The following BRIP1 variants were observed in gnomAD, a reference collection of about 807,000 sequenced individuals.
BRIP1 encodes the protein Fanconi anemia group J protein.
BRIP1 carries 88 observed loss-of-function variants against 119.7 expected under a neutral mutation model. The ratio of observed to expected loss-of-function variants is 0.74; its 90% CI spans 0.62 to 0.88. BRIP1 has a LOEUF of 0.88. BRIP1 is among the 40% of genes least tolerant of loss of function. The probability of loss-of-function intolerance (pLI) is 0.00; values close to 1 mark genes in which losing one functional copy is unlikely to be tolerated. For synonymous variants in BRIP1, 443 were observed against 496.5 expected, an observed-to-expected ratio of 0.89 and a Z score of 1.43; for missense variants, 1,259 against 1,455.4, an observed-to-expected ratio of 0.87 and a Z score of 2.20.
rs1555572645 is a variant in BRIP1, at chr17:61,683,648, G to A, written c.3398C>T (p.Thr1133Ile). The A allele has an allele frequency of 6.2e-7, 1 of 1,612,894 alleles. No individual in the cohort carries two copies. Among genetic ancestry groups the A allele is most frequent in the Non-Finnish European group, 8.5e-7 (1 of 1,179,964 alleles). ...TEAEDESIYF[T>I]PELYDPEDTD... Reference sequence around the variant, plus strand: ...ATCTTCAGGATCATAAAGTTCAGGTGTAAAATAGATAGATTCATCTTCTGC... The same window carrying A: ...ATCTTCAGGATCATAAAGTTCAGGTATAAAATAGATAGATTCATCTTCTGC... Residue 1133 changes from threonine to isoleucine, a missense_variant, in exon 20 of 20, where the codon ACA becomes ATA. Around this residue, in one of 3 missense-constraint regions of BRIP1, gnomAD observed 753 missense variants for 891.8 expected, o/e 0.84. Transcript: ENST00000259008. The surrounding 1 kb of genome is among the most constrained non-coding windows in gnomAD (Gnocchi z 4.7).
rs1489866400 is a variant in BRIP1 at position 61,740,162 on chromosome 17, G to T, written c.2379+2851C>A. ...CATTAAAGTACAAGCAGAGCGCAGT[G>T]GTCCTGTTGAGCTGAGGTGGAAGAG... is the stretch of plus-strand genomic sequence containing the variant. On this transcript the variant is annotated intron_variant, in intron 16 of 19. Coordinates refer to ENST00000259008, the MANE Select transcript of BRIP1 (RefSeq NM_032043.3). This position sits in a 1 kb window ranked among gnomAD's most constrained non-coding sequence, Gnocchi z 5.4. Among the ~76,000 whole-genome samples the T allele has an allele frequency of 6.6e-6, 1 of 151,996 alleles. No individual in the cohort carries two copies. The highest frequency in any genetic ancestry group is 1.5e-5 in the Non-Finnish European group (1 of 68,010).
rs2145330850 is a variant in BRIP1 at position 61,801,244 on chromosome 17, T to C, written c.1140+9A>G. On this transcript the variant is annotated intron_variant, in intron 8 of 19. Coordinates refer to ENST00000259008, the MANE Select transcript of BRIP1 (RefSeq NM_032043.3). ...GGAAGAAGGTTCTCATTTTTACACA[T>C]ATACTCACACTTTCCCTTATTTGTG... 6.2e-7 allele frequency: 1 copy of C among 1,602,650 alleles called. No individual in the cohort carries two copies. The highest frequency in any genetic ancestry group is 8.5e-7 in the Non-Finnish European group (1 of 1,169,606).
intron 16 of BRIP1, among the ~76,000 whole-genome samples, chr17:61,727,345 G>T (rs2076779033): frequency 6.6e-6 from 1 of 152,204 alleles, no homozygotes; most frequent in South Asian, 2.1e-4. Context: ...GAGCGAGCAT[G>T]TACATAAGAA....
Position 61,793,713 on chromosome 17 carries a change from C to T in BRIP1, c.1357G>A (p.Ala453Thr), listed in dbSNP as rs587780227. The change falls in exon 10 of 20, where the codon GCT becomes ACT. Residue 453 changes from alanine (A) to threonine (T), a missense_variant. Transcript: ENST00000259008. This position sits in a 1 kb window ranked among gnomAD's most constrained non-coding sequence, Gnocchi z 5.2. ...CSLINWLEAN[A>T]EYLVERDYES... The stretch of plus-strand genomic sequence containing the variant: ...TAATCTCTTTCTACAAGATATTCAG[C>T]GTTTGCTTCTAACCAACTGAAATAA... The T allele has an allele frequency of 2.7e-5, 43 of 1,610,116 alleles. No individual in the cohort carries two copies. Among genetic ancestry groups the T allele is most frequent in the South Asian group, 3.3e-5 (3 of 90,848 alleles).
chr17:61,781,117 T>G, intron 11 of BRIP1, 112 bp from the exon 12 acceptor site: 1 of 934,058 alleles, frequency 1.1e-6, no homozygotes, highest in Non-Finnish European at 1.6e-6. Context: ...AGCTGGTACC[T>G]TCCCATTCAA....
rs71153410 is a variant in BRIP1, at chr17:61,838,546, AAAATAAATAAATAAAT to A, written c.627+8539_627+8554del. 9.1e-3 allele frequency among the ~76,000 whole-genome samples: 1,287 copies of A among 140,942 alleles called. 4 individuals carry two copies. Among genetic ancestry groups the A allele is most frequent in the Non-Finnish European group, 0.014 (880 of 65,124 alleles). 92.5% of individuals were successfully genotyped at this position (140,942 alleles called of 152,430 possible). A position where few individuals can be genotyped will look rare whatever the true frequency, so the allele number is the denominator to read the frequency against. ...GCGACAGAGCGAGACTCCCTCTCAA[AAAATAAATAAATAAAT>A]AAATAAATAAATAAATAAATAAATA... On this transcript the variant is annotated intron_variant, in intron 6 of 19. Transcript: ENST00000259008.
In BRIP1 at chr17:61,679,948, A is replaced by G. The variant is rs1274448613; in HGVS notation, c.*3348T>C. Among the ~76,000 whole-genome samples the G allele has an allele frequency of 6.6e-6, 1 of 152,170 alleles. No individual in the cohort carries two copies. The highest frequency in any genetic ancestry group is 2.4e-5 in the African/African-American group (1 of 41,448). The stretch of plus-strand genomic sequence containing the variant: ...TGATTATCATTGTATAAAATTTTTG[A>G]AACACCTTTTGGAATTACTAAAGGG... On this transcript the variant is annotated 3_prime_UTR_variant, in exon 20 of 20. Coordinates refer to ENST00000259008, the MANE Select transcript of BRIP1 (RefSeq NM_032043.3). The surrounding 1 kb of genome is among the most constrained non-coding windows in gnomAD (Gnocchi z 4.4).
rs546971792 is a variant in BRIP1, at chr17:61,761,256, T to C, written c.2097+15145A>G. ...TTAGGTATAGAAGAAATGTACTGCA[T>C]ATTTGGCCAATAAAGGCCAAATATG... On this transcript the variant is annotated intron_variant, in intron 14 of 19. Coordinates refer to ENST00000259008, the MANE Select transcript of BRIP1 (RefSeq NM_032043.3). This position sits in a 1 kb window ranked among gnomAD's most constrained non-coding sequence, Gnocchi z 6.4. Among the ~76,000 whole-genome samples the C allele has an allele frequency of 1.6e-4, 24 of 151,826 alleles. No homozygotes were observed. The highest frequency in any genetic ancestry group is 3.1e-4 in the Non-Finnish European group (21 of 67,808).
intron 14 of BRIP1, among the ~76,000 whole-genome samples, chr17:61,772,158 T>A (rs1233839609): frequency 2.5e-3 from 1 of 398 alleles, no homozygotes; most frequent in East Asian, 0.02. Flanking sequence ...AATGTGAGAT[T>A]ATATATATAT....
chr17:61,702,568 T>C (rs2061630976), intron 17 of BRIP1, among the ~76,000 whole-genome samples: 1 of 152,224 alleles, frequency 6.6e-6, no homozygotes, highest in Non-Finnish European at 1.5e-5. Context: ...TTTGGTTTTC[T>C]GTTCCTCCGT....
Position 61,828,150 on chromosome 17 carries a change from A to G in BRIP1, c.627+18951T>C, listed in dbSNP as rs990955789. Among the ~76,000 whole-genome samples, 8 of 152,234 alleles carry G rather than the reference A, an allele frequency of 5.3e-5. No homozygotes were observed. The highest frequency in any genetic ancestry group is 8.8e-5 in the Non-Finnish European group (6 of 68,034). On this transcript the variant is annotated intron_variant, in intron 6 of 19. Coordinates refer to ENST00000259008, the MANE Select transcript of BRIP1 (RefSeq NM_032043.3). The surrounding 1 kb of genome is among the most constrained non-coding windows in gnomAD (Gnocchi z 4.1). ...TCAAAATAGCAAAAAGATGGAAACA[A>G]CCCAGATGTCCACTGGCAGATGAAC...
Position 61,784,983 on chromosome 17 carries a change from T to C in BRIP1, c.1474-559A>G, listed in dbSNP as rs535258804. Among the ~76,000 whole-genome samples the C allele has an allele frequency of 2.0e-4, 31 of 152,298 alleles. No homozygotes were observed. In the South Asian group the frequency reaches 6.2e-3, roughly 31 times the overall value. ...ATTATTAACAGCACAATGCTAACAA[T>C]ATATTTTAGATTGCCATATTAGCAA... On this transcript the variant is annotated intron_variant, in intron 10 of 19. Coordinates refer to ENST00000259008, the MANE Select transcript of BRIP1 (RefSeq NM_032043.3).
Position 61,709,882 on chromosome 17 carries a change from A to T in BRIP1, c.2492+6069T>A, listed in dbSNP as rs1368851112. ...TACTCTAACAGTCCCATGTGTGCTTAAAAAAATTAACATTAAAAGGAATCC... is the reference window on the plus strand; with the variant it reads ...TACTCTAACAGTCCCATGTGTGCTTTAAAAAATTAACATTAAAAGGAATCC... On this transcript the variant is annotated intron_variant, in intron 17 of 19. Coordinates refer to ENST00000259008, the MANE Select transcript of BRIP1 (RefSeq NM_032043.3). The surrounding 1 kb of genome is among the most constrained non-coding windows in gnomAD (Gnocchi z 5.0). Among the ~76,000 whole-genome samples the T allele has an allele frequency of 7.2e-5, 11 of 152,140 alleles. No homozygotes were observed. The highest frequency in any genetic ancestry group is 1.6e-4 in the Non-Finnish European group (11 of 68,008).
At chr17:61,763,566 T>C (rs1423542093) in intron 14 of BRIP1, among the ~76,000 whole-genome samples, 2 of 152,088 alleles carry the variant, frequency 1.3e-5, no homozygotes, top group Admixed American at 6.6e-5. Flanking sequence ...TCCTCAGAAA[T>C]AGTACTTTGT....
At position 61,735,322 on chromosome 17, in the gene BRIP1, T is replaced by C. The variant is rs1424165768; in HGVS notation, c.2379+7691A>G. Among the ~76,000 whole-genome samples, 2 of 152,186 alleles carry C rather than the reference T, an allele frequency of 1.3e-5. No individual in the cohort carries two copies. The highest frequency in any genetic ancestry group is 6.5e-5 in the Admixed American group (1 of 15,286). On this transcript the variant is annotated intron_variant, in intron 16 of 19. Transcript: ENST00000259008. This position sits in a 1 kb window ranked among gnomAD's most constrained non-coding sequence, Gnocchi z 4.4. ...AAATGATGGGAAGTTATTCCCATGA[T>C]TTTTTAATTTTATTTTTTTCCTCAC...
rs2061363243 is a variant in BRIP1 at position 61,686,260 on chromosome 17, C to A, written c.2576-95G>T. The A allele has an allele frequency of 7.8e-6, 9 of 1,149,026 alleles. No homozygotes were observed. In the Admixed American group the frequency reaches 1.3e-4, roughly 17 times the overall value. 71.2% of individuals were successfully genotyped at this position (1,149,026 alleles called of 1,614,324 possible). On this transcript the variant is annotated intron_variant, in intron 18 of 19. Coordinates refer to ENST00000259008, the MANE Select transcript of BRIP1 (RefSeq NM_032043.3). This position sits in a 1 kb window ranked among gnomAD's most constrained non-coding sequence, Gnocchi z 5.4. Reference sequence around the variant, plus strand: ...ACACTTGCTTTTTCTAGTGAAGTAACCTAATTTGTATTTTGAATATACAGA... The same window carrying A: ...ACACTTGCTTTTTCTAGTGAAGTAAACTAATTTGTATTTTGAATATACAGA...
rs202074040 is a variant in BRIP1, at chr17:61,847,228, C to T, written c.508-8G>A. ...GCAATGACGTTTTCTAATCTGTAAA[C>T]ACAGAACCAAAATGAAGTTTAAGGT... On this transcript the variant is annotated splice_region_variant and splice_polypyrimidine_tract_variant and intron_variant, in intron 5 of 19. Coordinates refer to ENST00000259008, the MANE Select transcript of BRIP1 (RefSeq NM_032043.3). 1 of 1,613,704 alleles carries T rather than the reference C, an allele frequency of 6.2e-7. No individual in the cohort carries two copies. The highest frequency in any genetic ancestry group is 8.5e-7 in the Non-Finnish European group (1 of 1,179,768).
At chr17:61,731,719 C>T (rs932888287) in intron 16 of BRIP1, among the ~76,000 whole-genome samples, 7 of 152,136 alleles carry the variant, frequency 4.6e-5, no homozygotes, top group Non-Finnish European at 1.0e-4. Flanking sequence ...TCCCCAAAGA[C>T]CTGCTATAAC....
chr17:61,716,244 T>C (rs2061860960), intron 16 of BRIP1, among the ~76,000 whole-genome samples, 181 bp from the exon 17 acceptor site: 1 of 152,098 alleles, frequency 6.6e-6, no homozygotes, highest in Non-Finnish European at 1.5e-5. Context: ...ATTCCTTAAA[T>C]TACCTAATGC....
Sources: allele counts gnomAD v4.1 joint callset (sites outside exome capture counted in the v4.1 genomes callset), GRCh38; gene constraint gnomAD v4.1.1; regional missense constraint gnomAD v4.1.1; non-coding constraint Gnocchi (gnomAD v3.1); transcripts MANE v1.5; gene names NCBI Gene and HGNC (gene_info 2026-07-23, HGNC 2026-07-21).